The following USP25 variants were observed in gnomAD, a reference collection of about 807,000 sequenced individuals.
USP25 encodes the protein ubiquitin specific peptidase 25, also known as ubiquitin carboxyl-terminal hydrolase 25.
Under a neutral mutation model 158.5 loss-of-function variants are expected in USP25, and 85 were observed. The observed-to-expected ratio is 0.54, with a 90% CI of 0.45 to 0.64. The LOEUF (loss-of-function observed/expected upper bound fraction) is 0.64, where lower values mean the gene tolerates loss of function less well. USP25 is among the 30% of genes least tolerant of loss of function. The pLI is 0.00. For missense variants in USP25, 1,242 were observed against 1,327.3 expected (o/e 0.94, Z 1.00); for synonymous variants, 464 against 460.4 (o/e 1.01, Z -0.10).
chr21:15,818,181 C>G (rs544495347), intron 9 of USP25, among the ~76,000 whole-genome samples: 1 of 152,306 alleles, frequency 6.6e-6, no homozygotes, highest in African/African-American at 2.4e-5. Context: ...CCATGGAGGT[C>G]TTCCCTGCTC....
intron 5 of USP25, among the ~76,000 whole-genome samples, chr21:15,797,922 GT>G (rs1329520072): frequency 6.6e-6 from 1 of 151,042 alleles, no homozygotes; most frequent in African/African-American, 2.4e-5. Flanking sequence ...ATTCGTTATT[GT>G]TGCTAATCTC....
intron 17 of USP25, among the ~76,000 whole-genome samples, chr21:15,839,177 G>A (rs1169391361): frequency 6.6e-6 from 1 of 152,098 alleles, no homozygotes; most frequent in Non-Finnish European, 1.5e-5. Context: ...CAGTCTCCCA[G>A]GGTTTCAAAC....
At chr21:15,795,913 C>T (rs990804205) in intron 5 of USP25, among the ~76,000 whole-genome samples, 4 of 151,400 alleles carry the variant, frequency 2.6e-5, no homozygotes, top group African/African-American at 7.3e-5. Flanking sequence ...GAATTTATCA[C>T]GCTTCTCAGT....
Position 15,854,139 on chromosome 21 carries a change from T to A in USP25, c.2547+4267T>A, listed in dbSNP as rs115060237. 9.8e-3 allele frequency among the ~76,000 whole-genome samples: 1,471 copies of A among 150,442 alleles called. 18 individuals carry two copies. Among genetic ancestry groups the A allele is most frequent in the African/African-American group, 0.032 (1,338 of 41,172 alleles). ...ATTATAAATTGAGGGAAAAGTTGTT[T>A]GTTTTGTTTTGTTTTGTTTTGTTTG... is the stretch of plus-strand genomic sequence containing the variant. On this transcript the variant is annotated intron_variant, in intron 20 of 25. Coordinates refer to ENST00000400183, the MANE Select transcript of USP25 (RefSeq NM_001283041.3).
intron 22 of USP25, 34 bp downstream of exon 22, chr21:15,866,378 T>A: frequency 6.8e-7 from 1 of 1,477,826 alleles, no homozygotes; most frequent in Non-Finnish European, 9.1e-7. Flanking sequence ...AACTACAGAT[T>A]TAGGGATTCT....
rs541191902 is a variant in USP25 at position 15,739,194 on chromosome 21, T to G, written c.45+8756T>G. ...GTGCCTGTACTTTCATTTTTTTTCCTGTACTAGCAAATACTTCCAATAAAT... is the reference window on the plus strand; with the variant it reads ...GTGCCTGTACTTTCATTTTTTTTCCGGTACTAGCAAATACTTCCAATAAAT... On this transcript the variant is annotated intron_variant, in intron 1 of 25. Coordinates refer to ENST00000400183, the MANE Select transcript of USP25 (RefSeq NM_001283041.3). Among the ~76,000 whole-genome samples, 361 of 152,260 alleles carry G rather than the reference T, an allele frequency of 2.4e-3. 6 individuals carry two copies. Among genetic ancestry groups the G allele is most frequent in the African/African-American group, 8.4e-3 (348 of 41,506 alleles).
chr21:15,759,752 C>G (rs1319132777), intron 1 of USP25, among the ~76,000 whole-genome samples: 1 of 152,154 alleles, frequency 6.6e-6, no homozygotes, highest in Non-Finnish European at 1.5e-5. Flanking sequence ...TATACTGAGG[C>G]ATGTCTACCC....
chr21:15,733,465 G>T (rs1429374959), intron 1 of USP25, among the ~76,000 whole-genome samples: 2 of 151,970 alleles, frequency 1.3e-5, no homozygotes, highest in East Asian at 3.9e-4. Flanking sequence ...GGGCATGGTG[G>T]CTCATGCTTT....
At chr21:15,781,779 C>T (rs1188748263) in intron 4 of USP25, among the ~76,000 whole-genome samples, 2 of 152,152 alleles carry the variant, frequency 1.3e-5, no homozygotes, top group Non-Finnish European at 2.9e-5. Context: ...CAGGTGCCAG[C>T]AGTCACTGCT....
intron 1 of USP25, among the ~76,000 whole-genome samples, chr21:15,740,684 G>A (rs866448288): frequency 5.8e-5 from 6 of 103,068 alleles, no homozygotes; most frequent in South Asian, 6.7e-4. Context: ...TGGTATGTGC[G>A]TGTGTATTTG....
chr21:15,833,284 T>C, intron 16 of USP25, 64 bp from the exon 17 acceptor site: 2 of 1,468,640 alleles, frequency 1.4e-6, no homozygotes, highest in South Asian at 1.2e-5. Flanking sequence ...TGCAGTCTAT[T>C]TTGAGCTTTG....
At chr21:15,758,752 T>C (rs773953175) in intron 1 of USP25, among the ~76,000 whole-genome samples, 6 of 152,134 alleles carry the variant, frequency 3.9e-5, no homozygotes, top group Non-Finnish European at 8.8e-5. Flanking sequence ...CGGTGCATCT[T>C]ACATGGTGGC....
intron 1 of USP25, among the ~76,000 whole-genome samples, chr21:15,731,434 A>T (rs1274247101): frequency 1.3e-5 from 2 of 152,170 alleles, no homozygotes; most frequent in African/African-American, 4.8e-5. Context: ...GTGAGTAATG[A>T]ATGCCCCACC....
intron 1 of USP25, among the ~76,000 whole-genome samples, chr21:15,735,265 T>A (rs906450472): frequency 3.3e-5 from 5 of 152,178 alleles, no homozygotes; most frequent in African/African-American, 1.2e-4. Flanking sequence ...ATCCATAGAT[T>A]CAACCAGCTG....
At chr21:15,733,827 G>C (rs963073139) in intron 1 of USP25, among the ~76,000 whole-genome samples, 6 of 152,170 alleles carry the variant, frequency 3.9e-5, no homozygotes, top group Non-Finnish European at 7.3e-5. Context: ...GGGCGACAGA[G>C]CAAGACTCCA....
At chr21:15,812,722 A>G (rs555188521) in intron 9 of USP25, among the ~76,000 whole-genome samples, 1 of 152,120 alleles carries the variant, frequency 6.6e-6, no homozygotes, top group South Asian at 2.1e-4. Context: ...AAGTTGCTTT[A>G]GTGATTGTGT....
intron 4 of USP25, among the ~76,000 whole-genome samples, chr21:15,789,377 C>A (rs139621034): frequency 2.4e-3 from 364 of 152,156 alleles, no homozygotes; most frequent in African/African-American, 8.3e-3. Flanking sequence ...CTCAAGTTTT[C>A]TGTAGCTGAT....
At chr21:15,864,156 G>T in intron 20 of USP25, 112 bp from the exon 21 acceptor site, 1 of 1,036,364 alleles carries the variant, frequency 9.6e-7, no homozygotes, top group Non-Finnish European at 1.3e-6. Context: ...TACTTTAAAA[G>T]CCAAAAAAAA....
At chr21:15,821,003 A>G (rs1225156466) in intron 10 of USP25, among the ~76,000 whole-genome samples, 1 of 152,032 alleles carries the variant, frequency 6.6e-6, no homozygotes, top group African/African-American at 2.4e-5. Context: ...GATACATTTT[A>G]ACTTTTAAAT....
Sources: allele counts gnomAD v4.1 joint callset (sites outside exome capture counted in the v4.1 genomes callset), GRCh38; gene constraint gnomAD v4.1.1; transcripts MANE v1.5; gene names NCBI Gene and HGNC (gene_info 2026-07-23, HGNC 2026-07-21).